LRP1B: variants seen among roughly 807,000 people sequenced by gnomAD.
LRP1B encodes the protein LDL receptor related protein 1B.
LRP1B carries 217 observed loss-of-function variants against 556.6 expected under a neutral mutation model. The ratio of observed to expected loss-of-function variants is 0.39; its 90% confidence interval spans 0.35 to 0.44. LRP1B has a LOEUF of 0.44. LRP1B is among the 20% of genes least tolerant of loss of function. The probability of loss-of-function intolerance (pLI) is 1.00; values close to 1 mark genes in which losing one functional copy is unlikely to be tolerated. For missense variants in LRP1B, 5,053 were observed against 5,620.8 expected, an observed-to-expected ratio of 0.90 and a Z score of 3.23; for synonymous variants, 2,047 against 1,865.8, an observed-to-expected ratio of 1.10 and a Z score of -2.50.
intron 1 of LRP1B, among the ~76,000 whole-genome samples, chr2:142,052,175 GT>G (rs542861917): frequency 6.6e-6 from 1 of 151,028 alleles, no homozygotes; most frequent in Non-Finnish European, 1.5e-5. Context: ...ATTATGGCAA[GT>G]TAAAAAAAAA....
At chr2:141,416,915 G>C (rs934600907) in intron 3 of LRP1B, among the ~76,000 whole-genome samples, 1 of 152,108 alleles carries the variant, frequency 6.6e-6, no homozygotes, top group Non-Finnish European at 1.5e-5. Context: ...TCTGTAGAGG[G>C]AGAATTTGGA....
At chr2:141,975,982 T>C (rs901821756) in intron 1 of LRP1B, among the ~76,000 whole-genome samples, 2 of 151,764 alleles carry the variant, frequency 1.3e-5, no homozygotes, top group Non-Finnish European at 1.5e-5. Context: ...ATGCTTTCTA[T>C]GTTAAATTTC....
At chr2:140,995,489 CTTTATA>C (rs1697218480) in intron 15 of LRP1B, among the ~76,000 whole-genome samples, 1 of 152,042 alleles carries the variant, frequency 6.6e-6, no homozygotes, top group Non-Finnish European at 1.5e-5. Context: ...CACAATACCA[CTTTATA>C]TTTATGCTGG....
At chr2:141,126,013 A>G (rs1038903144) in intron 7 of LRP1B, among the ~76,000 whole-genome samples, 3 of 149,328 alleles carry the variant, frequency 2.0e-5, no homozygotes, top group Admixed American at 6.8e-5. Flanking sequence ...AGCCCTCTCA[A>G]TTGATAGCTA....
At chr2:140,379,876 TC>T (rs1485007566) in intron 67 of LRP1B, among the ~76,000 whole-genome samples, 3 of 152,162 alleles carry the variant, frequency 2.0e-5, no homozygotes. Flanking sequence ...AAGTGGATAA[TC>T]TTCTCATGTT....
intron 7 of LRP1B, among the ~76,000 whole-genome samples, chr2:141,096,675 A>AGAGAGAGG (rs1700326949): frequency 3.8e-5 from 5 of 130,184 alleles, no homozygotes; most frequent in African/African-American, 1.4e-4. Flanking sequence ...AGAGAGAGAG[A>AGAGAGAGG]GAGAGAGAGA....
At chr2:140,843,905 A>G (rs1692195935) in intron 29 of LRP1B, among the ~76,000 whole-genome samples, 1 of 152,170 alleles carries the variant, frequency 6.6e-6, no homozygotes, top group African/African-American at 2.4e-5. Context: ...CCAGTTGCAT[A>G]CAACATTGCC....
At chr2:141,462,866 A>G (rs187922171) in intron 3 of LRP1B, among the ~76,000 whole-genome samples, 1 of 152,296 alleles carries the variant, frequency 6.6e-6, no homozygotes, top group East Asian at 1.9e-4. Context: ...TTAAAATTTT[A>G]AGTATGAATG....
At chr2:141,839,687 G>A (rs1183488896) in intron 1 of LRP1B, among the ~76,000 whole-genome samples, 1 of 152,124 alleles carries the variant, frequency 6.6e-6, no homozygotes, top group East Asian at 1.9e-4. Context: ...TGAAAGTAAA[G>A]AAAATCTATC....
intron 37 of LRP1B, among the ~76,000 whole-genome samples, chr2:140,705,762 T>A (rs11883678): frequency 6.6e-6 from 1 of 151,932 alleles, no homozygotes; most frequent in Non-Finnish European, 1.5e-5. Context: ...ATTCTTTTCC[T>A]GTGGAAAACA....
At chr2:140,819,928 T>C (rs974594856) in intron 31 of LRP1B, among the ~76,000 whole-genome samples, 4 of 152,204 alleles carry the variant, frequency 2.6e-5, no homozygotes, top group Non-Finnish European at 4.4e-5. Context: ...TGACCCAGTA[T>C]TGCATTCCTG....
At chr2:141,886,296 T>C (rs1699108313) in intron 1 of LRP1B, among the ~76,000 whole-genome samples, 1 of 152,158 alleles carries the variant, frequency 6.6e-6, no homozygotes, top group Non-Finnish European at 1.5e-5. Context: ...ATTATATTTT[T>C]CTGCAGAAAA....
At chr2:141,544,694 C>T (rs1480619737) in intron 2 of LRP1B, among the ~76,000 whole-genome samples, 1 of 151,932 alleles carries the variant, frequency 6.6e-6, no homozygotes, top group African/African-American at 2.4e-5. Context: ...GGGACAGGGT[C>T]TCACGTTGTC....
chr2:140,427,822 T>C (rs1685728656), intron 66 of LRP1B, among the ~76,000 whole-genome samples: 1 of 151,896 alleles, frequency 6.6e-6, no homozygotes, highest in Admixed American at 6.6e-5. Context: ...CCGAGCTAGG[T>C]CCCAGTTCTT....
At chr2:141,598,256 C>T (rs1409001758) in intron 2 of LRP1B, among the ~76,000 whole-genome samples, 1 of 151,968 alleles carries the variant, frequency 6.6e-6, no homozygotes, top group African/African-American at 2.4e-5. Flanking sequence ...ACTGTGGACA[C>T]ACTTGGCACT....
intron 59 of LRP1B, among the ~76,000 whole-genome samples, chr2:140,484,833 T>C (rs956902357): frequency 6.6e-6 from 1 of 152,146 alleles, no homozygotes; most frequent in African/African-American, 2.4e-5. Context: ...ATGAAACGGA[T>C]CCACCACAAA....
intron 71 of LRP1B, among the ~76,000 whole-genome samples, chr2:140,369,818 C>A (rs540725448): frequency 6.6e-6 from 1 of 152,016 alleles, no homozygotes; most frequent in East Asian, 1.9e-4. Flanking sequence ...ACATTTTAGA[C>A]AGGTTTAAAA....
At chr2:141,163,848 TA>T (rs1680137895) in intron 7 of LRP1B, among the ~76,000 whole-genome samples, 1 of 152,054 alleles carries the variant, frequency 6.6e-6, no homozygotes, top group Admixed American at 6.6e-5. Context: ...GAAAATGAAC[TA>T]ATACAGGTAT....
At chr2:140,774,485 A>G (rs1252891251) in intron 33 of LRP1B, among the ~76,000 whole-genome samples, 1 of 152,182 alleles carries the variant, frequency 6.6e-6, no homozygotes, top group Non-Finnish European at 1.5e-5. Flanking sequence ...AGCTTAAAAC[A>G]AAGCATATGT....
Sources: gnomAD v4.1 joint callset for allele counts (sites outside exome capture counted in the v4.1 genomes callset) on GRCh38, gnomAD v4.1.1 for gene constraint, MANE v1.5 for transcripts, NCBI Gene and HGNC (gene_info 2026-07-23, HGNC 2026-07-21) for gene names.